Variants in PRKG1 observed in about 807,000 individuals in gnomAD.
The protein encoded by PRKG1 is cGMP-dependent protein kinase 1.
In PRKG1, 35 loss-of-function variants were observed where a neutral mutation model predicts 88.1. That is an observed-to-expected ratio of 0.40 (90% confidence interval 0.30 to 0.53). PRKG1 has a LOEUF of 0.53. Ranked by LOEUF, PRKG1 falls within the 20% of genes least tolerant of loss-of-function variation. The pLI is 0.59. For synonymous variants in PRKG1, 303 were observed against 292.5 expected (o/e 1.04, Z -0.37); for missense variants, 540 against 839.8 (o/e 0.64, Z 4.41).
chr10:51,889,162 A>G (rs1351552771), intron 4 of PRKG1, among the ~76,000 whole-genome samples: 1 of 149,560 alleles, frequency 6.7e-6, no homozygotes, highest in Non-Finnish European at 1.5e-5. Context: ...TGCACCCATT[A>G]ACTCGTCATT....
chr10:51,858,378 A>AAATATATATATAATATATAT lies in PRKG1; in HGVS notation c.699-49118_699-49099dup, dbSNP rs1353153799. Among the ~76,000 whole-genome samples, 48 of 19,294 alleles carry AAATATATATATAATATATAT rather than the reference A, an allele frequency of 2.5e-3. 9 individuals are homozygous for AAATATATATATAATATATAT. Among genetic ancestry groups the AAATATATATATAATATATAT allele is most frequent in the African/African-American group, 5.0e-3 (43 of 8,634 alleles). 12.7% of individuals were successfully genotyped at this position (19,294 alleles called of 152,430 possible). On this transcript the variant is annotated intron_variant, in intron 4 of 17. Transcript: ENST00000373980. Reference sequence around the variant, plus strand: ...ATATATATTATATATAATATATATAAAATATATATATAATATATATAATAT... The same window carrying AAATATATATATAATATATAT: ...ATATATATTATATATAATATATATAAAATATATATATAATATATATAATATATATATAATATATATAATAT...
In PRKG1 at chr10:51,602,730, A is replaced by ATG. The variant is rs1275713886; in HGVS notation, c.592+134895_592+134896insGT. 5.1e-3 allele frequency among the ~76,000 whole-genome samples: 214 copies of ATG among 41,832 alleles called. 3 individuals are homozygous for ATG. The highest frequency in any genetic ancestry group is 0.019 in the African/African-American group (171 of 8,944). The allele number at this position is 41,832 out of a possible 152,430, so 27.4% of individuals were successfully genotyped here. A position where few individuals can be genotyped will look rare whatever the true frequency, so the allele number is the denominator to read the frequency against. On this transcript the variant is annotated intron_variant, in intron 3 of 17. Transcript: ENST00000373980. The stretch of plus-strand genomic sequence containing the variant: ...GCGCCTGGCTGGCTTTGATTAATAT[A>ATG]TATGTGTGTGTGTGTGTGTGTGTGT...
At chr10:51,146,690 T>A (rs1434501229) in intron 1 of PRKG1, among the ~76,000 whole-genome samples, 1 of 152,118 alleles carries the variant, frequency 6.6e-6, no homozygotes, top group African/African-American at 2.4e-5. Context: ...TTTCTTCTAG[T>A]AGTTTTATAG....
At chr10:51,122,825 A>C (rs535765876) in intron 1 of PRKG1, among the ~76,000 whole-genome samples, 1 of 152,320 alleles carries the variant, frequency 6.6e-6, no homozygotes, top group African/African-American at 2.4e-5. Flanking sequence ...ACTACAAAAT[A>C]GACCAGATCT....
intron 3 of PRKG1, among the ~76,000 whole-genome samples, chr10:51,488,806 C>T (rs1326251): frequency 0.22 from 33,175 of 152,062 alleles, 6,622 homozygotes; most frequent in African/African-American, 0.53. Context: ...GCGTCCACCT[C>T]TTCTCTTGTT....
chr10:51,034,658 AAT>A (rs1277803871), intron 1 of PRKG1, among the ~76,000 whole-genome samples: 2 of 46,322 alleles, frequency 4.3e-5, no homozygotes, highest in African/African-American at 1.5e-4. Context: ...AATTATATAT[AAT>A]ATGTTATTTA....
At chr10:51,988,468 A>T (rs892931906) in intron 5 of PRKG1, among the ~76,000 whole-genome samples, 2 of 152,076 alleles carry the variant, frequency 1.3e-5, no homozygotes, top group Non-Finnish European at 2.9e-5. Flanking sequence ...TCAAAATAAG[A>T]GTCCTCACCA....
intron 3 of PRKG1, among the ~76,000 whole-genome samples, chr10:51,647,540 A>G (rs754570381): frequency 6.6e-6 from 1 of 152,202 alleles, no homozygotes; most frequent in Non-Finnish European, 1.5e-5. Flanking sequence ...CTCATATAAA[A>G]GCAGAGCTGG....
At chr10:51,612,474 G>C (rs1838936685) in intron 3 of PRKG1, among the ~76,000 whole-genome samples, 1 of 151,808 alleles carries the variant, frequency 6.6e-6, no homozygotes, top group Admixed American at 6.6e-5. Context: ...TTTGTATGTT[G>C]ATTTTGTATC....
At chr10:51,035,354 G>T (rs1342010267) in intron 1 of PRKG1, among the ~76,000 whole-genome samples, 1 of 152,102 alleles carries the variant, frequency 6.6e-6, no homozygotes, top group African/African-American at 2.4e-5. Flanking sequence ...CTTAGAGCAG[G>T]AGACAGCAGC....
intron 9 of PRKG1, among the ~76,000 whole-genome samples, chr10:52,176,923 T>A (rs1008359834): frequency 7.2e-5 from 11 of 152,106 alleles, no homozygotes; most frequent in African/African-American, 2.4e-4. Context: ...AGTCTGTAGT[T>A]TTTCTCTATA....
chr10:51,445,482 G>A (rs930341694), intron 2 of PRKG1, among the ~76,000 whole-genome samples: 4 of 151,706 alleles, frequency 2.6e-5, no homozygotes, highest in African/African-American at 9.7e-5. Context: ...CCATACTTTA[G>A]TTTACAAAAC....
chr10:51,214,890 A>C (rs1220059100), intron 2 of PRKG1, among the ~76,000 whole-genome samples: 1 of 152,146 alleles, frequency 6.6e-6, no homozygotes, highest in Non-Finnish European at 1.5e-5. Context: ...TTTACACAGA[A>C]ACCCACAGAA....
At chr10:52,147,466 A>G (rs1206830786) in intron 8 of PRKG1, among the ~76,000 whole-genome samples, 1 of 152,238 alleles carries the variant, frequency 6.6e-6, no homozygotes, top group Non-Finnish European at 1.5e-5. Flanking sequence ...GAAATTAATG[A>G]TCAGAAAGAC....
At chr10:51,930,789 C>A (rs1431075611) in intron 5 of PRKG1, among the ~76,000 whole-genome samples, 4 of 151,822 alleles carry the variant, frequency 2.6e-5, no homozygotes, top group Non-Finnish European at 5.9e-5. Context: ...CTGCGCCTGG[C>A]CAAAATGAAC....
chr10:52,096,344 G>A (rs1480185729), intron 7 of PRKG1, among the ~76,000 whole-genome samples: 1 of 152,146 alleles, frequency 6.6e-6, no homozygotes, highest in South Asian at 2.1e-4. Flanking sequence ...CTGGCTCACA[G>A]CCTGACATGG....
chr10:51,836,107 A>G (rs1840124526), intron 4 of PRKG1, among the ~76,000 whole-genome samples: 1 of 152,204 alleles, frequency 6.6e-6, no homozygotes, highest in Non-Finnish European at 1.5e-5. Flanking sequence ...TGGAAGCCTC[A>G]CACTACAATA....
intron 8 of PRKG1, among the ~76,000 whole-genome samples, chr10:52,149,880 C>G (rs1297976346): frequency 1.3e-5 from 2 of 152,018 alleles, no homozygotes; most frequent in African/African-American, 4.8e-5. Flanking sequence ...GCTGTGATGG[C>G]TCATGCCACT....
At chr10:51,844,392 T>C (rs1840351318) in intron 4 of PRKG1, among the ~76,000 whole-genome samples, 1 of 152,112 alleles carries the variant, frequency 6.6e-6, no homozygotes, top group Admixed American at 6.6e-5. Flanking sequence ...AGAATGAAAA[T>C]ATAATTCATA....
Sources: allele counts gnomAD v4.1 joint callset (sites outside exome capture counted in the v4.1 genomes callset), GRCh38; gene constraint gnomAD v4.1.1; transcripts MANE v1.5; gene names NCBI Gene and HGNC (gene_info 2026-07-23, HGNC 2026-07-21).